Variants in SLC15A2 observed in about 807,000 individuals in gnomAD.
SLC15A2 encodes kidney H(+)/peptide cotransporter.
A neutral mutation model predicts 95.5 loss-of-function variants in SLC15A2; 77 were observed. The ratio of observed to expected loss-of-function variants is 0.81; its 90% CI spans 0.67 to 0.97. The LOEUF (loss-of-function observed/expected upper bound fraction) is 0.97. Ranked by LOEUF, SLC15A2 falls within the 50% of genes least tolerant of loss-of-function variation. SLC15A2 has a pLI of 0.00. For synonymous variants in SLC15A2, 306 were observed against 306.9 expected, an observed-to-expected ratio of 1.00 and a Z score of 0.03; for missense variants, 893 against 874.4, an observed-to-expected ratio of 1.02 and a Z score of -0.27.
At chr3:121,922,973 T>C in intron 9 of SLC15A2, 67 bp from the exon 10 acceptor site, 2 of 1,573,012 alleles carry the variant, frequency 1.3e-6, no homozygotes, top group East Asian at 2.2e-5. Flanking sequence ...TGGACACTTC[T>C]ACTTTAAGCA....
chr3:121,931,048 T>C lies in SLC15A2; in HGVS notation c.1664+98T>C, dbSNP rs1471488797. ...GTGGGGAACTTAGGTGCATGTGGTC[T>C]AATTTTGAGTATAGACGCACTACTG... On this transcript the variant is annotated intron_variant, in intron 18 of 21. Coordinates refer to ENST00000489711, the MANE Select transcript of SLC15A2 (RefSeq NM_021082.4). The C allele has an allele frequency of 4.1e-6, 3 of 724,796 alleles. No homozygotes were observed. In the African/African-American group the frequency reaches 5.3e-5, roughly 13 times the overall value. 44.9% of individuals were successfully genotyped at this position (724,796 alleles called of 1,614,324 possible).
Position 121,915,272 on chromosome 3 carries a change from A to T in SLC15A2, c.574A>T (p.Asn192Tyr), listed in dbSNP as rs779854588. 2 of 1,613,964 alleles carry T rather than the reference A, an allele frequency of 1.2e-6. No individual in the cohort carries two copies. Among genetic ancestry groups the T allele is most frequent in the Non-Finnish European group, 1.7e-6 (2 of 1,179,900 alleles). The change falls in exon 6 of 22, where the codon AAT (asparagine) becomes TAT (tyrosine). Residue 192 changes from asparagine to tyrosine, a missense_variant. Coordinates refer to ENST00000489711, the MANE Select transcript of SLC15A2 (RefSeq NM_021082.4). ...RYFSVFYLSINAGSLISTFIT... is the reference protein window; with the variant it reads ...RYFSVFYLSIYAGSLISTFIT... ...CTTCTCAGTCTTCTACCTGTCCATC[A>T]ATGCAGGGAGCTTGATTTCTACATT...
chr3:121,912,420 G>C (rs1709786475), intron 4 of SLC15A2, among the ~76,000 whole-genome samples: 1 of 152,078 alleles, frequency 6.6e-6, no homozygotes, highest in Non-Finnish European at 1.5e-5. Flanking sequence ...TTTTCGTAGA[G>C]ATGGGGTTTT....
chr3:121,922,162 C>A, intron 7 of SLC15A2, 58 bp from the exon 8 acceptor site: 2 of 1,449,292 alleles, frequency 1.4e-6, no homozygotes, highest in Non-Finnish European at 1.9e-6. Flanking sequence ...ACTGCAATAA[C>A]CTTTGCACCA....
At chr3:121,919,174 G>A (rs551377545) in intron 7 of SLC15A2, among the ~76,000 whole-genome samples, 7 of 152,214 alleles carry the variant, frequency 4.6e-5, no homozygotes, top group Non-Finnish European at 4.4e-5. Context: ...TCAACGAGCA[G>A]GAGCATGTTA....
At chr3:121,930,727 C>A in intron 17 of SLC15A2, 113 bp from the exon 18 acceptor site, 1 of 635,016 alleles carries the variant, frequency 1.6e-6, no homozygotes. Context: ...CAGCCACTAT[C>A]CTAGGCACCT....
At chr3:121,899,853 G>A (rs1252382303) in intron 3 of SLC15A2, among the ~76,000 whole-genome samples, 1 of 151,980 alleles carries the variant, frequency 6.6e-6, no homozygotes. Context: ...AAGATCACTG[G>A]TAAGAATTTC....
At chr3:121,931,018 T>G (rs993396513) in intron 18 of SLC15A2, 68 bp downstream of exon 18, 19 of 1,019,300 alleles carry the variant, frequency 1.9e-5, no homozygotes, top group Non-Finnish European at 2.9e-5. Context: ...TATCTTTGTA[T>G]ATAGGTGGGG....
At chr3:121,930,264 G>T (rs1300590025) in intron 17 of SLC15A2, among the ~76,000 whole-genome samples, 1 of 152,144 alleles carries the variant, frequency 6.6e-6, no homozygotes, top group Non-Finnish European at 1.5e-5. Flanking sequence ...CAATCTAGGT[G>T]CCAGGTTCAG....
intron 20 of SLC15A2, among the ~76,000 whole-genome samples, chr3:121,940,007 T>C (rs1270848567): frequency 1.3e-5 from 2 of 152,136 alleles, no homozygotes; most frequent in East Asian, 1.9e-4. Context: ...GGTTTCACCA[T>C]GTTGGCCAGG....
At chr3:121,916,256 C>G (rs116476861) in intron 7 of SLC15A2, among the ~76,000 whole-genome samples, 112 of 152,206 alleles carry the variant, frequency 7.4e-4, no homozygotes, top group African/African-American at 2.5e-3. Context: ...CAACTTAAAT[C>G]AAGTGGCATT....
chr3:121,931,831 G>A (rs914099475), intron 19 of SLC15A2, 96 bp downstream of exon 19: 2 of 696,482 alleles, frequency 2.9e-6, no homozygotes, highest in African/African-American at 3.6e-5. Context: ...AGAAGACTCT[G>A]TGGCAAAGCA....
intron 19 of SLC15A2, among the ~76,000 whole-genome samples, chr3:121,932,915 G>A (rs565972507): frequency 9.2e-5 from 14 of 151,710 alleles, no homozygotes; most frequent in East Asian, 7.7e-4. Flanking sequence ...TCCCCCCTCC[G>A]CGCACCCCAC....
chr3:121,915,445 C>G, intron 6 of SLC15A2, 128 bp downstream of exon 6: 2 of 800,978 alleles, frequency 2.5e-6, no homozygotes, highest in South Asian at 3.2e-5. Context: ...TTATTTTAGT[C>G]TTGATTTGTC....
chr3:121,894,750 A>G (rs1386970523), intron 1 of SLC15A2, among the ~76,000 whole-genome samples, 169 bp downstream of exon 1: 1 of 152,216 alleles, frequency 6.6e-6, no homozygotes, highest in Admixed American at 6.5e-5. Flanking sequence ...TCCTTTACAT[A>G]AGAAGACAAA....
At chr3:121,905,416 C>T (rs1383672581) in intron 3 of SLC15A2, among the ~76,000 whole-genome samples, 1 of 152,064 alleles carries the variant, frequency 6.6e-6, no homozygotes, top group Non-Finnish European at 1.5e-5. Flanking sequence ...GCTCTTGCTT[C>T]TCTAGTTCTT....
intron 19 of SLC15A2, 132 bp from the exon 20 acceptor site, chr3:121,939,217 A>G: frequency 1.4e-6 from 1 of 700,530 alleles, no homozygotes; most frequent in Non-Finnish European, 2.1e-6. Flanking sequence ...TTGTGTAGAA[A>G]TGCTCAATTT....
intron 19 of SLC15A2, among the ~76,000 whole-genome samples, chr3:121,933,340 G>C (rs1417007008): frequency 6.6e-6 from 1 of 150,712 alleles, no homozygotes; most frequent in East Asian, 1.9e-4. Context: ...TCGCCACACT[G>C]ACTTCCACAA....
chr3:121,921,458 A>T (rs1463883736), intron 7 of SLC15A2, among the ~76,000 whole-genome samples: 5 of 152,184 alleles, frequency 3.3e-5, no homozygotes, highest in Non-Finnish European at 5.9e-5. Context: ...CAAGGTGCTT[A>T]ATTTCCTTAA....
Sources: allele counts gnomAD v4.1 joint callset (sites outside exome capture counted in the v4.1 genomes callset), GRCh38; gene constraint gnomAD v4.1.1; transcripts MANE v1.5; gene names NCBI Gene and HGNC (gene_info 2026-07-23, HGNC 2026-07-21).